Variants in ANKRD28 observed in about 807,000 individuals in gnomAD.
ANKRD28 encodes ankyrin repeat domain 28.
ANKRD28 carries 44 observed loss-of-function variants against 126.5 expected under a neutral mutation model. The ratio of observed to expected loss-of-function variants is 0.35; its 90% confidence interval spans 0.27 to 0.45. The LOEUF is 0.45. ANKRD28 is among the 20% of genes least tolerant of loss of function. The probability of loss-of-function intolerance (pLI) is 1.00; values close to 1 mark genes in which losing one functional copy is unlikely to be tolerated. For synonymous variants in ANKRD28, 442 were observed against 468.5 expected, an observed-to-expected ratio of 0.94 and a Z score of 0.73; for missense variants, 1,110 against 1,316.6, an observed-to-expected ratio of 0.84 and a Z score of 2.43.
At chr3:15,794,354 G>A (rs752615848) in intron 2 of ANKRD28, among the ~76,000 whole-genome samples, 1 of 151,624 alleles carries the variant, frequency 6.6e-6, no homozygotes, top group East Asian at 1.9e-4. Context: ...AAAGATGAGA[G>A]TTAAAAATGA....
intron 2 of ANKRD28, among the ~76,000 whole-genome samples, chr3:15,784,999 T>G (rs2059708962): frequency 6.6e-6 from 1 of 152,090 alleles, no homozygotes; most frequent in Non-Finnish European, 1.5e-5. Context: ...CATGGTAAAT[T>G]GCAATTAATT....
chr3:15,812,922 G>A lies in ANKRD28; in HGVS notation c.28-17616C>T, dbSNP rs1308944386. On this transcript the variant is annotated intron_variant, in intron 1 of 27. Transcript: ENST00000399451. This position sits in a 1 kb window ranked among gnomAD's most constrained non-coding sequence, Gnocchi z 4.1. ...GGAACATGAATCCTGAATGTGACCC[G>A]ATTCACTCCAATTTGAAGAAAACAA... Among the ~76,000 whole-genome samples the A allele has an allele frequency of 6.7e-6, 1 of 149,766 alleles. No homozygotes were observed. Among genetic ancestry groups the A allele is most frequent in the Non-Finnish European group, 1.5e-5 (1 of 67,478 alleles).
chr3:15,769,668 C>T (rs183431118), intron 2 of ANKRD28, among the ~76,000 whole-genome samples: 222 of 152,302 alleles, frequency 1.5e-3, no homozygotes, highest in Admixed American at 2.9e-3. Flanking sequence ...ATTAAATATT[C>T]TGACTAGTAG....
chr3:15,722,361 C>T (rs2073821142), intron 7 of ANKRD28, among the ~76,000 whole-genome samples: 1 of 152,124 alleles, frequency 6.6e-6, no homozygotes, highest in African/African-American at 2.4e-5. Context: ...CACACTGATG[C>T]CAGGGAAGAA....
upstream of ANKRD28, among the ~76,000 whole-genome samples, chr3:15,799,828 TCATA>T (rs1346564560): frequency 4.6e-5 from 7 of 152,068 alleles, no homozygotes; most frequent in Admixed American, 4.6e-4. Context: ...GGGACTGTGT[TCATA>T]CATATTGTCT....
At chr3:15,774,469 C>T (rs1282750782) in intron 2 of ANKRD28, among the ~76,000 whole-genome samples, 1 of 152,046 alleles carries the variant, frequency 6.6e-6, no homozygotes, top group Non-Finnish European at 1.5e-5. Flanking sequence ...CAATGTGGTA[C>T]CTATTTGGAA....
chr3:15,808,745 C>T (rs1332539811), intron 1 of ANKRD28, among the ~76,000 whole-genome samples: 2 of 151,254 alleles, frequency 1.3e-5, no homozygotes, highest in Non-Finnish European at 2.9e-5. Flanking sequence ...CTTCACCAAG[C>T]TACCACTCCT....
At chr3:15,859,114 G>T (rs1177989520) in intron 1 of ANKRD28, among the ~76,000 whole-genome samples, 1 of 152,182 alleles carries the variant, frequency 6.6e-6, no homozygotes, top group African/African-American at 2.4e-5. Context: ...CCGACGCGAG[G>T]GCGGTGAGCG....
At chr3:15,747,605 T>C (rs1273878486) in intron 4 of ANKRD28, among the ~76,000 whole-genome samples, 1 of 152,234 alleles carries the variant, frequency 6.6e-6, no homozygotes, top group Admixed American at 6.5e-5. Context: ...ACTTGTTGTG[T>C]GGCCTATCAT....
At chr3:15,700,458 C>CTT (rs2070398308) in intron 14 of ANKRD28, among the ~76,000 whole-genome samples, 1 of 146,792 alleles carries the variant, frequency 6.8e-6, no homozygotes, top group Non-Finnish European at 1.5e-5. Context: ...AGTATAATGA[C>CTT]AAAAAAAAAA....
chr3:15,835,567 T>C (rs1019089349), intron 1 of ANKRD28, among the ~76,000 whole-genome samples: 7 of 152,224 alleles, frequency 4.6e-5, no homozygotes, highest in Non-Finnish European at 8.8e-5. Context: ...GACAGAACTC[T>C]GTATAAAAGT....
In ANKRD28 at chr3:15,816,326, G is replaced by A. The variant is rs1448228106; in HGVS notation, c.28-21020C>T. Among the ~76,000 whole-genome samples the A allele has an allele frequency of 6.6e-6, 1 of 152,006 alleles. No homozygotes were observed. Among genetic ancestry groups the A allele is most frequent in the East Asian group, 1.9e-4 (1 of 5,198 alleles). On this transcript the variant is annotated intron_variant, in intron 1 of 27. Coordinates refer to the ANKRD28 transcript ENST00000399451. The surrounding 1 kb of genome is among the most constrained non-coding windows in gnomAD (Gnocchi z 5.0). ...ATAACTATTTATATGCTAAATGCAC[G>A]GAATATAGCAGTAAACACAAGAATA... is the stretch of plus-strand genomic sequence containing the variant.
intron 3 of ANKRD28, among the ~76,000 whole-genome samples, chr3:15,759,509 C>T (rs948533819): frequency 3.9e-5 from 6 of 152,016 alleles, no homozygotes; most frequent in South Asian, 2.1e-4. Context: ...ACAGGTGCCA[C>T]GCCAAAAATT....
intron 4 of ANKRD28, among the ~76,000 whole-genome samples, chr3:15,751,011 C>T (rs542347647): frequency 6.6e-6 from 1 of 150,776 alleles, no homozygotes; most frequent in East Asian, 1.9e-4. Flanking sequence ...ACCGAATACA[C>T]ATTATAAAGT....
At position 15,678,261 on chromosome 3, in the gene ANKRD28, T is replaced by C; in HGVS notation, c.2655A>G (p.Thr885=). 1.2e-6 allele frequency: 2 copies of C among 1,613,076 alleles called. No individual in the cohort carries two copies. The highest frequency in any genetic ancestry group is 2.2e-5 in the East Asian group (1 of 44,856). The change falls in exon 24 of 28, where the codon ACA becomes ACG. Residue 885 remains threonine (T), a synonymous_variant. Coordinates refer to ENST00000683139, the MANE Select transcript of ANKRD28 (RefSeq NM_001349278.2). Reference sequence around the variant, plus strand: ...CAGCCATCATAAGAGGTGTTTTCCCTGTAGAGTCCACAGAATTGACTTGAG... The same window carrying C: ...CAGCCATCATAAGAGGTGTTTTCCCCGTAGAGTCCACAGAATTGACTTGAG... ...HNAQVNSVDS[T]GKTPLMMAAE...
At chr3:15,786,064 G>A (rs898421686) in intron 2 of ANKRD28, among the ~76,000 whole-genome samples, 6 of 151,956 alleles carry the variant, frequency 3.9e-5, no homozygotes, top group African/African-American at 1.2e-4. Flanking sequence ...CAGAGGATAC[G>A]GCAGTGAAAC....
At chr3:15,732,508 C>G (rs1374053366) in intron 6 of ANKRD28, 1 of 152,196 alleles carries the variant, frequency 6.6e-6, no homozygotes, top group Non-Finnish European at 1.5e-5. Flanking sequence ...TTGGTGAGAG[C>G]AGGACACGCA....
Position 15,797,294 on chromosome 3 carries a change from T to A in ANKRD28, c.-773A>T, listed in dbSNP as rs2060322574. ...GTCAGACCACAAGAGACAATACGACTCTTGGTACTAGAATACAGCTTGATT... is the reference window on the plus strand; with the variant it reads ...GTCAGACCACAAGAGACAATACGACACTTGGTACTAGAATACAGCTTGATT... On this transcript the variant is annotated 5_prime_UTR_variant, in exon 1 of 28. Transcript: ENST00000683139. 2 of 984,936 alleles carry A rather than the reference T, an allele frequency of 2.0e-6. No homozygotes were observed. The highest frequency in any genetic ancestry group is 1.2e-6 in the Non-Finnish European group (1 of 829,864). 61.0% of individuals were successfully genotyped at this position (984,936 alleles called of 1,614,324 possible).
intron 11 of ANKRD28, among the ~76,000 whole-genome samples, chr3:15,711,717 C>T (rs1345314110): frequency 2.0e-5 from 3 of 151,632 alleles, no homozygotes; most frequent in Admixed American, 6.6e-5. Flanking sequence ...GACAGAGTCT[C>T]GCTCTGTCTC....
Sources: allele counts gnomAD v4.1 joint callset (sites outside exome capture counted in the v4.1 genomes callset), GRCh38; gene constraint gnomAD v4.1.1; non-coding constraint Gnocchi (gnomAD v3.1); transcripts MANE v1.5; gene names NCBI Gene and HGNC (gene_info 2026-07-23, HGNC 2026-07-21).